Variants in OTOGL observed in about 807,000 individuals in gnomAD.
The protein encoded by OTOGL is otogelin-like protein.
In OTOGL, 285 loss-of-function variants were observed where a neutral mutation model predicts 318.5. The observed-to-expected ratio is 0.89, with a 90% CI of 0.81 to 0.99. The LOEUF is 0.99. Among genes scored for constraint, OTOGL ranks in the 50% least tolerant of loss-of-function variants. The pLI, the probability that OTOGL is intolerant of heterozygous loss-of-function variation, is 0.00. For synonymous variants in OTOGL, 987 were observed against 936.5 expected, an observed-to-expected ratio of 1.05 and a Z score of -0.99; for missense variants, 2,899 against 2,845.6, an observed-to-expected ratio of 1.02 and a Z score of -0.43.
intron 7 of OTOGL, among the ~76,000 whole-genome samples, chr12:80,222,847 G>C (rs1250428656): frequency 6.6e-6 from 1 of 152,078 alleles, no homozygotes; most frequent in Non-Finnish European, 1.5e-5. Context: ...TTACGTTGGG[G>C]CTGCCTACAT....
In OTOGL at chr12:80,154,388, T is replaced by A. The variant is rs1383858057; in HGVS notation, c.-20+54783T>A. On this transcript the variant is annotated intron_variant, in intron 1 of 58. Transcript: ENST00000547103. ...AAAAAGAAAACTTAAGCTCAACTAA[T>A]CAGAAACCACCAACTGTTATAGTTG... 2.6e-5 allele frequency among the ~76,000 whole-genome samples: 4 copies of A among 152,122 alleles called. No individual in the cohort carries two copies. The East Asian group carries it at 5.8e-4, about 22-fold the overall frequency.
At chr12:80,337,668 C>G (rs1279231881) in intron 42 of OTOGL, among the ~76,000 whole-genome samples, 1 of 150,792 alleles carries the variant, frequency 6.6e-6, no homozygotes, top group Non-Finnish European at 1.5e-5. Context: ...AAGTTATTCT[C>G]TGTAAAATAT....
At chr12:80,302,396 C>T (rs1647180889) in intron 27 of OTOGL, among the ~76,000 whole-genome samples, 1 of 152,148 alleles carries the variant, frequency 6.6e-6, no homozygotes, top group Non-Finnish European at 1.5e-5. Flanking sequence ...ATATCTTTTC[C>T]CTTTTCCCAT....
At chr12:80,296,984 G>T in intron 27 of OTOGL, 23 bp downstream of exon 27, 1 of 1,505,806 alleles carries the variant, frequency 6.6e-7, no homozygotes, top group East Asian at 2.4e-5. Flanking sequence ...TTTCTTTCAG[G>T]ATCATTTGAA....
chr12:80,179,472 C>T (rs142289290), intron 1 of OTOGL, among the ~76,000 whole-genome samples: 2,021 of 152,246 alleles, frequency 0.013, 29 homozygotes, highest in South Asian at 0.022. Flanking sequence ...TAAAATTAAA[C>T]GCCTTGGTCA....
At chr12:80,173,010 G>A (rs1437513625) in intron 1 of OTOGL, among the ~76,000 whole-genome samples, 3 of 152,110 alleles carry the variant, frequency 2.0e-5, no homozygotes, top group Non-Finnish European at 2.9e-5. Context: ...GTGATGGGAT[G>A]TTCTGTGCAG....
At chr12:80,119,614 C>A (rs1219459017) in intron 1 of OTOGL, among the ~76,000 whole-genome samples, 1 of 152,186 alleles carries the variant, frequency 6.6e-6, no homozygotes, top group Non-Finnish European at 1.5e-5. Context: ...CTTGACCTTT[C>A]CCATCAGAGT....
At chr12:80,289,762 T>C (rs1247519125) in intron 26 of OTOGL, among the ~76,000 whole-genome samples, 4 of 152,130 alleles carry the variant, frequency 2.6e-5, no homozygotes, top group Non-Finnish European at 5.9e-5. Flanking sequence ...AGGTCAATCG[T>C]CCCAGGTTAA....
chr12:80,337,329 T>C (rs951207170), intron 42 of OTOGL, among the ~76,000 whole-genome samples: 4 of 151,706 alleles, frequency 2.6e-5, no homozygotes, highest in Admixed American at 2.6e-4. Flanking sequence ...GTGGAAATGC[T>C]ATGAAGGAGA....
At chr12:80,146,032 A>G (rs889076565) in intron 1 of OTOGL, among the ~76,000 whole-genome samples, 4 of 151,108 alleles carry the variant, frequency 2.6e-5, no homozygotes, top group East Asian at 1.9e-4. Context: ...CTCTTTTCCT[A>G]TTTGAATACC....
intron 1 of OTOGL, among the ~76,000 whole-genome samples, chr12:80,163,403 C>T (rs1873645199): frequency 6.6e-6 from 1 of 151,980 alleles, no homozygotes; most frequent in Non-Finnish European, 1.5e-5. Context: ...AATTTGGAGA[C>T]CATTGTAGGA....
intron 26 of OTOGL, among the ~76,000 whole-genome samples, chr12:80,289,308 C>G (rs537207948): frequency 6.6e-6 from 1 of 152,282 alleles, no homozygotes; most frequent in South Asian, 2.1e-4. Flanking sequence ...CCAGCCAGAG[C>G]TCTCCTGTAT....
chr12:80,307,975 C>G, intron 29 of OTOGL, among the ~76,000 whole-genome samples: 1 of 140,164 alleles, frequency 7.1e-6, no homozygotes, highest in South Asian at 2.2e-4. Flanking sequence ...AGGGGCTCCT[C>G]AGTTCCCAGT....
chr12:80,261,128 A>G (rs1037302089), intron 18 of OTOGL, among the ~76,000 whole-genome samples: 6 of 152,142 alleles, frequency 3.9e-5, no homozygotes, highest in African/African-American at 1.4e-4. Context: ...GTTAATCTAT[A>G]AGGACACTAG....
intron 26 of OTOGL, among the ~76,000 whole-genome samples, chr12:80,290,750 A>G (rs369721803): frequency 3.3e-5 from 5 of 152,184 alleles, no homozygotes; most frequent in African/African-American, 1.2e-4. Flanking sequence ...ATATTTTCCA[A>G]TGTATGGTGG....
Position 80,252,244 on chromosome 12 carries a change from T to C in OTOGL, c.1285+43T>C, listed in dbSNP as rs908193213. ...AAACCATGTCTGCACTCATGGAAAC[T>C]AGTACCCAGTGATCTAAGGATCACA... On this transcript the variant is annotated intron_variant, in intron 13 of 58. Coordinates refer to ENST00000547103, the MANE Select transcript of OTOGL (RefSeq NM_001378609.3). The C allele has an allele frequency of 7.1e-6, 11 of 1,558,304 alleles. No homozygotes were observed. In the African/African-American group the frequency reaches 8.2e-5, roughly 12 times the overall value.
chr12:80,217,713 T>G (rs1269980097), intron 5 of OTOGL, 49 bp downstream of exon 5: 2 of 1,322,250 alleles, frequency 1.5e-6, no homozygotes, highest in African/African-American at 1.5e-5. Flanking sequence ...AGAAAATCCC[T>G]TTGGGGGATA....
intron 17 of OTOGL, among the ~76,000 whole-genome samples, chr12:80,256,693 C>T (rs1274166418): frequency 1.3e-5 from 2 of 152,010 alleles, no homozygotes; most frequent in African/African-American, 2.4e-5. Context: ...GAGAGACAAG[C>T]AAGCAGCCAC....
At chr12:80,227,512 G>A (rs1190340861) in intron 7 of OTOGL, among the ~76,000 whole-genome samples, 3 of 152,162 alleles carry the variant, frequency 2.0e-5, no homozygotes, top group African/African-American at 4.8e-5. Context: ...GGCTCTAAAA[G>A]CGAATTGGAA....
Sources: allele counts gnomAD v4.1 joint callset (sites outside exome capture counted in the v4.1 genomes callset), GRCh38; gene constraint gnomAD v4.1.1; transcripts MANE v1.5; gene names NCBI Gene and HGNC (gene_info 2026-07-23, HGNC 2026-07-21).